EXPH5: variants seen among roughly 807,000 people sequenced by gnomAD.
EXPH5 encodes exophilin-5.
EXPH5 carries 42 observed loss-of-function variants against 41.1 expected under a neutral mutation model. The observed-to-expected ratio is 1.02, with a 90% CI of 0.80 to 1.32. The LOEUF (loss-of-function observed/expected upper bound fraction) is 1.32, where lower values mean the gene tolerates loss of function less well. Among genes scored for constraint, EXPH5 ranks in the 40% most tolerant of loss-of-function variants. The pLI, the probability that EXPH5 is intolerant of heterozygous loss-of-function variation, is 0.00. For synonymous variants in EXPH5, 798 were observed against 833.5 expected (o/e 0.96, Z 0.73); for missense variants, 2,298 against 2,314.5 (o/e 0.99, Z 0.15).
intron 1 of EXPH5, among the ~76,000 whole-genome samples, chr11:108,571,604 G>A (rs1433433928): frequency 2.0e-5 from 3 of 152,140 alleles, no homozygotes; most frequent in Non-Finnish European, 4.4e-5. Flanking sequence ...TGGTAATGCT[G>A]AAGGGGAGCT....
intron 3 of EXPH5, among the ~76,000 whole-genome samples, chr11:108,529,842 CT>C (rs2093825599): frequency 7.0e-6 from 1 of 143,298 alleles, no homozygotes; most frequent in African/African-American, 2.6e-5. Context: ...AAAACTCTGT[CT>C]CAAAAAAAAA....
At chr11:108,583,430 C>T (rs1163117940) in intron 1 of EXPH5, among the ~76,000 whole-genome samples, 1 of 151,166 alleles carries the variant, frequency 6.6e-6, no homozygotes, top group Non-Finnish European at 1.5e-5. Flanking sequence ...GAAGAAAAAG[C>T]CACATGGTCA....
At chr11:108,550,615 C>T (rs1367275440) in intron 1 of EXPH5, among the ~76,000 whole-genome samples, 1 of 151,918 alleles carries the variant, frequency 6.6e-6, no homozygotes, top group Non-Finnish European at 1.5e-5. Context: ...GCTGTCTCTA[C>T]TAAAAATATA....
chr11:108,570,668 T>G (rs79434799), intron 1 of EXPH5, among the ~76,000 whole-genome samples: 6,827 of 152,238 alleles, frequency 0.045, 181 homozygotes, highest in Middle Eastern at 0.075. Context: ...CTCAGCCTCT[T>G]AAACAGCTGG....
At chr11:108,595,541 A>T (rs527438418), upstream of EXPH5, among the ~76,000 whole-genome samples, 8 of 152,236 alleles carry the variant, frequency 5.3e-5, no homozygotes, top group Non-Finnish European at 8.8e-5. Context: ...TGGAAGCTAG[A>T]AAACACTGGA....
intron 1 of EXPH5, among the ~76,000 whole-genome samples, chr11:108,575,598 A>G (rs1380440889): frequency 1.3e-5 from 2 of 152,236 alleles, no homozygotes; most frequent in African/African-American, 4.8e-5. Flanking sequence ...TTGACCCTGA[A>G]TCTTCAGTAT....
Position 108,515,784 on chromosome 11 carries a change from A to T in EXPH5, c.632-909T>A, listed in dbSNP as rs145330547. ...TGCAACCTCTGTGCCATAAAAGCTC[A>T]CTTTTGGGCCGGGCACGGTGGCTCA... On this transcript the variant is annotated intron_variant, in intron 5 of 5. Coordinates refer to ENST00000265843, the MANE Select transcript of EXPH5 (RefSeq NM_015065.3). 6.8e-3 allele frequency among the ~76,000 whole-genome samples: 1,029 copies of T among 152,264 alleles called. 16 individuals are homozygous for T. Among genetic ancestry groups the T allele is most frequent in the African/African-American group, 0.024 (978 of 41,546 alleles).
rs145231502 is a variant in EXPH5 at position 108,539,067 on chromosome 11, A to T, written c.400T>A (p.Ser134Thr). ...SFASLFSFRK[S>T]GKETSKLPSL... ...GGAAGCTTTGAAGTCTCCTTTCCAG[A>T]TTTCCTGAATGAGAACAGGGAAGCA... is the stretch of plus-strand genomic sequence containing the variant. The change falls in exon 3 of 6, where the codon TCT (serine) becomes ACT (threonine). Residue 134 changes from serine to threonine, a missense_variant. Physicochemically the swap from Ser to Thr is moderately conservative, Grantham distance 58. Coordinates refer to ENST00000265843, the MANE Select transcript of EXPH5 (RefSeq NM_015065.3). 3.2e-4 allele frequency: 514 copies of T among 1,607,440 alleles called. 5 individuals carry two copies. The Middle Eastern group carries it at 3.8e-3, about 12-fold the overall frequency.
intron 2 of EXPH5, among the ~76,000 whole-genome samples, chr11:108,540,665 C>T (rs565712965): frequency 4.6e-5 from 7 of 152,130 alleles, no homozygotes; most frequent in Non-Finnish European, 1.0e-4. Context: ...GTTATCTTCT[C>T]AATAGTCCTG....
rs372415461 is a variant in EXPH5, at chr11:108,586,083, C to T, written c.119+7335G>A. Among the ~76,000 whole-genome samples the T allele has an allele frequency of 1.4e-3, 212 of 152,200 alleles. 2 individuals are homozygous for T. Among genetic ancestry groups the T allele is most frequent in the African/African-American group, 4.4e-3 (181 of 41,532 alleles). ...CTTCCTGAGTAGCTGGGACCACAGA[C>T]GCGTGCCACCACGCCTGGCTAATTT... is the stretch of plus-strand genomic sequence containing the variant. On this transcript the variant is annotated intron_variant, in intron 1 of 5. Transcript: ENST00000265843.
chr11:108,518,361 A>G lies in EXPH5; in HGVS notation c.505T>C (p.Tyr169His). The part of the protein sequence containing the change: ...VRGAAVQAKI[Y>H]NSPLENHLVD... ...AGATGATTTTCCAGAGGTGAATTGTATATTTTTGCCTGCTAATTTTAAAGC... is the reference window on the plus strand; with the variant it reads ...AGATGATTTTCCAGAGGTGAATTGTGTATTTTTGCCTGCTAATTTTAAAGC... Residue 169 changes from tyrosine (Y) to histidine (H), a missense_variant, in exon 5 of 6, where the codon TAC becomes CAC. By Grantham distance (83) the Tyr-to-His change is moderately conservative. Transcript: ENST00000265843. 7 of 1,613,542 alleles carry G rather than the reference A, an allele frequency of 4.3e-6. No individual in the cohort carries two copies. The highest frequency in any genetic ancestry group is 4.0e-5 in the African/African-American group (3 of 75,028).
Position 108,513,389 on chromosome 11 carries a change from A to AGATAG in EXPH5, c.2117_2118insCTATC (p.Ile707TyrfsTer10). On this transcript the variant is annotated frameshift_variant, in exon 6 of 6. Transcript: ENST00000265843. LOFTEE classifies it low-confidence loss of function (END_TRUNC). ...TTAGCTGTTTGTCTTCTTCTGAAATAGATTCATTTAAGTCTTTCTCATTAT... is the reference window on the plus strand; with the variant it reads ...TTAGCTGTTTGTCTTCTTCTGAAATAGATAGGATTCATTTAAGTCTTTCTCATTAT... The AGATAG allele has an allele frequency of 6.2e-7, 1 of 1,613,956 alleles. No individual in the cohort carries two copies. The highest frequency in any genetic ancestry group is 8.5e-7 in the Non-Finnish European group (1 of 1,179,950).
At chr11:108,565,454 T>A (rs2094030591) in intron 1 of EXPH5, among the ~76,000 whole-genome samples, 1 of 152,164 alleles carries the variant, frequency 6.6e-6, no homozygotes, top group African/African-American at 2.4e-5. Flanking sequence ...CCTAAGCTTC[T>A]TGGTTGTTTG....
At chr11:108,582,465 C>CAAAG (rs2094101297) in intron 1 of EXPH5, among the ~76,000 whole-genome samples, 1 of 138,376 alleles carries the variant, frequency 7.2e-6, no homozygotes, top group Non-Finnish European at 1.6e-5. Flanking sequence ...GACCCTGTCA[C>CAAAG]AAAGAAAAAA....
intron 1 of EXPH5, among the ~76,000 whole-genome samples, chr11:108,569,701 A>G (rs1001406519): frequency 9.8e-5 from 15 of 152,344 alleles, no homozygotes; most frequent in African/African-American, 3.4e-4. Flanking sequence ...GAACATTTGT[A>G]TATCTCCGGT....
intron 1 of EXPH5, among the ~76,000 whole-genome samples, chr11:108,574,062 C>T (rs961111089): frequency 6.7e-6 from 1 of 149,474 alleles, no homozygotes; most frequent in African/African-American, 2.5e-5. Flanking sequence ...CCACCACGCC[C>T]GGCTAATTTT....
chr11:108,581,124 C>A (rs772097567), intron 1 of EXPH5, among the ~76,000 whole-genome samples: 1 of 151,896 alleles, frequency 6.6e-6, no homozygotes, highest in Non-Finnish European at 1.5e-5. Flanking sequence ...GGCAACATGG[C>A]GAAACCCTGT....
chr11:108,576,136 G>C (rs1263394518), intron 1 of EXPH5, among the ~76,000 whole-genome samples: 1 of 152,110 alleles, frequency 6.6e-6, no homozygotes, highest in Admixed American at 6.6e-5. Context: ...ATTGTTCATA[G>C]CAGCATTATT....
intron 1 of EXPH5, among the ~76,000 whole-genome samples, chr11:108,565,208 T>C (rs2094029645): frequency 6.6e-6 from 1 of 152,158 alleles, no homozygotes; most frequent in African/African-American, 2.4e-5. Context: ...GCCTGGCCTG[T>C]AGTTTTTGAT....
Sources: allele counts gnomAD v4.1 joint callset (sites outside exome capture counted in the v4.1 genomes callset), GRCh38; gene constraint gnomAD v4.1.1; transcripts MANE v1.5; gene names NCBI Gene and HGNC (gene_info 2026-07-23, HGNC 2026-07-21).